SLC25A21: variants seen among roughly 807,000 people sequenced by gnomAD.
SLC25A21 encodes solute carrier family 25 member 21, also known as mitochondrial 2-oxodicarboxylate carrier.
SLC25A21 carries 47 observed loss-of-function variants against 43.8 expected under a neutral mutation model. The ratio of observed to expected loss-of-function variants is 1.07; its 90% CI spans 0.85 to 1.37. The LOEUF is 1.37. Among genes scored for constraint, SLC25A21 ranks in the 40% most tolerant of loss-of-function variants. The pLI, the probability that SLC25A21 is intolerant of heterozygous loss-of-function variation, is 0.00. For missense variants in SLC25A21, 352 were observed against 350.2 expected (o/e 1.00, Z -0.04); for synonymous variants, 131 against 121.3 (o/e 1.08, Z -0.52).
intron 1 of SLC25A21, among the ~76,000 whole-genome samples, chr14:36,888,956 T>C (rs1444538757): frequency 6.6e-6 from 1 of 152,226 alleles, no homozygotes; most frequent in African/African-American, 2.4e-5. Flanking sequence ...GTAGCCAAAA[T>C]TGCTTGCGTT....
chr14:36,802,681 A>G (rs2138422837), intron 3 of SLC25A21, among the ~76,000 whole-genome samples: 1 of 152,306 alleles, frequency 6.6e-6, no homozygotes, highest in South Asian at 2.1e-4. Flanking sequence ...TCCCCTTTGG[A>G]TGATGAGGGA....
intron 1 of SLC25A21, among the ~76,000 whole-genome samples, chr14:37,124,332 C>T (rs557896755): frequency 3.9e-5 from 6 of 152,188 alleles, no homozygotes; most frequent in Non-Finnish European, 7.4e-5. Flanking sequence ...TGTTTTAGGG[C>T]CTTAAATAGT....
intron 1 of SLC25A21, among the ~76,000 whole-genome samples, chr14:36,896,355 A>T (rs1471052844): frequency 6.6e-6 from 1 of 152,028 alleles, no homozygotes; most frequent in Non-Finnish European, 1.5e-5. Context: ...AGAGACTAGG[A>T]TTGCAACTCC....
intron 1 of SLC25A21, among the ~76,000 whole-genome samples, chr14:37,015,332 A>G (rs1960828655): frequency 6.6e-6 from 1 of 150,744 alleles, no homozygotes. Context: ...GAGAATGATG[A>G]TTTCCAATTT....
At chr14:36,912,752 T>C (rs1412698114) in intron 1 of SLC25A21, among the ~76,000 whole-genome samples, 4 of 152,166 alleles carry the variant, frequency 2.6e-5, no homozygotes, top group African/African-American at 9.7e-5. Context: ...TGTCTATAAA[T>C]TCTTAGCTCA....
intron 1 of SLC25A21, among the ~76,000 whole-genome samples, chr14:37,157,609 A>G (rs1198107494): frequency 6.6e-6 from 1 of 152,200 alleles, no homozygotes; most frequent in Non-Finnish European, 1.5e-5. Context: ...AGGGAAGCTT[A>G]TAGCACTGAA....
At chr14:37,035,895 G>A (rs1214628150) in intron 1 of SLC25A21, among the ~76,000 whole-genome samples, 1 of 152,136 alleles carries the variant, frequency 6.6e-6, no homozygotes, top group Non-Finnish European at 1.5e-5. Flanking sequence ...ACATATTTGG[G>A]TCATTATGTC....
intron 1 of SLC25A21, among the ~76,000 whole-genome samples, chr14:37,168,030 G>C (rs1431139897): frequency 6.6e-6 from 1 of 152,084 alleles, no homozygotes; most frequent in Non-Finnish European, 1.5e-5. Flanking sequence ...GCTCGGTCTA[G>C]GCAGCAGGCA....
intron 3 of SLC25A21, among the ~76,000 whole-genome samples, chr14:36,797,145 ATAAC>A (rs1184716227): frequency 6.6e-6 from 1 of 152,216 alleles, no homozygotes; most frequent in African/African-American, 2.4e-5. Context: ...AGTGGTAATT[ATAAC>A]TAACATCAAA....
chr14:36,707,721 T>C (rs1007777375), intron 7 of SLC25A21, among the ~76,000 whole-genome samples: 2 of 152,240 alleles, frequency 1.3e-5, no homozygotes, highest in Non-Finnish European at 1.5e-5. Flanking sequence ...GTTTGTGATT[T>C]ACAATTGTTA....
intron 1 of SLC25A21, among the ~76,000 whole-genome samples, chr14:36,908,603 T>G (rs117752773): frequency 0.019 from 2,927 of 152,322 alleles, 105 homozygotes; most frequent in Admixed American, 0.1. Context: ...ATGTGGCTAT[T>G]TAGCATATAA....
intron 3 of SLC25A21, among the ~76,000 whole-genome samples, chr14:36,760,929 G>C (rs2139278105): frequency 6.6e-6 from 1 of 152,344 alleles, no homozygotes; most frequent in East Asian, 1.9e-4. Flanking sequence ...AGGAAAAAAA[G>C]TGTAAAGTGG....
intron 1 of SLC25A21, among the ~76,000 whole-genome samples, chr14:36,896,486 C>T (rs1388785712): frequency 6.6e-6 from 1 of 152,154 alleles, no homozygotes; most frequent in African/African-American, 2.4e-5. Context: ...GGTCTTGACT[C>T]TTTATCCAAT....
intron 3 of SLC25A21, among the ~76,000 whole-genome samples, chr14:36,773,942 T>G (rs1011536928): frequency 6.6e-6 from 1 of 152,236 alleles, no homozygotes. Context: ...TGAATACACA[T>G]GAGTTATGTT....
intron 1 of SLC25A21, among the ~76,000 whole-genome samples, chr14:37,094,273 T>A (rs1377625797): frequency 6.6e-6 from 1 of 152,102 alleles, no homozygotes; most frequent in African/African-American, 2.4e-5. Flanking sequence ...CAGAGTCAGG[T>A]CTCTTGGAAG....
intron 1 of SLC25A21, among the ~76,000 whole-genome samples, chr14:37,158,267 G>A (rs1476303937): frequency 6.6e-6 from 1 of 151,952 alleles, no homozygotes; most frequent in Admixed American, 6.6e-5. Context: ...AACCAGAAAA[G>A]AACAGAACAA....
chr14:37,039,441 G>GATCT (rs1961397953), intron 1 of SLC25A21, among the ~76,000 whole-genome samples: 1 of 151,982 alleles, frequency 6.6e-6, no homozygotes, highest in Admixed American at 6.6e-5. Context: ...CTTCTCCCTA[G>GATCT]GCAACCACTG....
In SLC25A21 at chr14:37,121,515, C is replaced by T. The variant is rs952840392; in HGVS notation, c.70+50766G>A. ...TTTAAGTGCAGATTCTGGCCAGGAACGATGGCTCACAACAGTAGTCCCAAC... is the reference window on the plus strand; with the variant it reads ...TTTAAGTGCAGATTCTGGCCAGGAATGATGGCTCACAACAGTAGTCCCAAC... On this transcript the variant is annotated intron_variant, in intron 1 of 9. Transcript: ENST00000331299. Among the ~76,000 whole-genome samples the T allele has an allele frequency of 5.3e-5, 8 of 152,190 alleles. No homozygotes were observed. In the South Asian group the frequency reaches 6.2e-4, roughly 12 times the overall value.
intron 5 of SLC25A21, among the ~76,000 whole-genome samples, chr14:36,726,543 AT>A (rs1884608986): frequency 6.6e-6 from 1 of 152,270 alleles, no homozygotes; most frequent in African/African-American, 2.4e-5. Flanking sequence ...TAGAAAACTT[AT>A]CAAAAGGTGA....
Sources: gnomAD v4.1 joint callset for allele counts (sites outside exome capture counted in the v4.1 genomes callset) on GRCh38, gnomAD v4.1.1 for gene constraint, MANE v1.5 for transcripts, NCBI Gene and HGNC (gene_info 2026-07-23, HGNC 2026-07-21) for gene names.